BEGAIN: variants seen among roughly 807,000 people sequenced by gnomAD.
The protein encoded by BEGAIN is brain enriched guanylate kinase associated.
A neutral mutation model predicts 35.8 loss-of-function variants in BEGAIN; 19 were observed. The observed-to-expected ratio is 0.53, with a 90% CI of 0.37 to 0.78. The LOEUF is 0.78. Among genes scored for constraint, BEGAIN ranks in the 30% least tolerant of loss-of-function variants. BEGAIN has a pLI of 0.00. For missense variants in BEGAIN, 795 were observed against 853.6 expected (o/e 0.93, Z 0.85); for synonymous variants, 462 against 388.6 (o/e 1.19, Z -2.22).
At position 100,546,650 on chromosome 14, in the gene BEGAIN, C is replaced by A; in HGVS notation, c.84G>T (p.Glu28Asp). Residue 28 changes from glutamate (E) to aspartate (D), a missense_variant, in exon 3 of 7, where the codon GAG becomes GAT. Coordinates refer to ENST00000554140, the MANE Select transcript of BEGAIN (RefSeq NM_001385089.1). Reference sequence around the variant, plus strand: ...GCCGCTTGCGCAGCTCGCCCTTCTGCTCCTGCAGCGCGCTGCAACGACATG... The same window carrying A: ...GCCGCTTGCGCAGCTCGCCCTTCTGATCCTGCAGCGCGCTGCAACGACATG... ...ADMEKLSALQ[E>D]QKGELRKRLS... 6.4e-7 allele frequency: 1 copy of A among 1,569,814 alleles called. No individual in the cohort carries two copies. Among genetic ancestry groups the A allele is most frequent in the South Asian group, 1.1e-5 (1 of 86,994 alleles).
intron 1 of BEGAIN, among the ~76,000 whole-genome samples, chr14:100,571,405 G>T (rs560070328): frequency 1.3e-5 from 2 of 152,224 alleles, no homozygotes; most frequent in East Asian, 3.9e-4. Context: ...TGGGAGGGCC[G>T]CCCGGGTCAG....
At chr14:100,576,576 C>T (rs889233619) in intron 1 of BEGAIN, among the ~76,000 whole-genome samples, 2 of 152,206 alleles carry the variant, frequency 1.3e-5, no homozygotes, top group Admixed American at 6.5e-5. Context: ...CCACGGCCTC[C>T]GTCTCCATCC....
chr14:100,556,067 G>A (rs2033691321), intron 2 of BEGAIN, among the ~76,000 whole-genome samples: 1 of 152,164 alleles, frequency 6.6e-6, no homozygotes, highest in East Asian at 1.9e-4. Context: ...CCCTCAGCCA[G>A]GAGGGGTGGC....
At chr14:100,583,136 C>T (rs1376509192) in intron 1 of BEGAIN, among the ~76,000 whole-genome samples, 2 of 151,880 alleles carry the variant, frequency 1.3e-5, no homozygotes, top group Non-Finnish European at 2.9e-5. Context: ...ACTCCCGTCT[C>T]CATCTGTCCG....
chr14:100,537,883 CG>C lies in BEGAIN; in HGVS notation c.*85del. 10 of 1,470,412 alleles carry C rather than the reference CG, an allele frequency of 6.8e-6. No homozygotes were observed. The highest frequency in any genetic ancestry group is 9.0e-6 in the Non-Finnish European group (10 of 1,109,396). The allele number at this position is 1,470,412 out of a possible 1,614,324, so 91.1% of individuals were successfully genotyped here. A position where few individuals can be genotyped will look rare whatever the true frequency, so the allele number is the denominator to read the frequency against. The stretch of plus-strand genomic sequence containing the variant: ...GTTGTTGGCCGGGGCAGGGGAACAG[CG>C]GGGGCTGGGGAGAGGTGAGGCCGGC... On this transcript the variant is annotated 3_prime_UTR_variant, in exon 7 of 7. Coordinates refer to ENST00000554140, the MANE Select transcript of BEGAIN (RefSeq NM_001385089.1).
In BEGAIN at chr14:100,567,150, C is replaced by T. The variant is rs530738906; in HGVS notation, c.71+761G>A. Among the ~76,000 whole-genome samples the T allele has an allele frequency of 6.6e-6, 1 of 152,336 alleles. No individual in the cohort carries two copies. The highest frequency in any genetic ancestry group is 2.1e-4 in the South Asian group (1 of 4,832). The stretch of plus-strand genomic sequence containing the variant: ...GCTGGGCCTGCCGCCCACACAACGC[C>T]TCGGCTCAGGCTCCGGAAGGAAAAC... On this transcript the variant is annotated intron_variant, in intron 2 of 6. Transcript: ENST00000554140. This position sits in a 1 kb window ranked among gnomAD's most constrained non-coding sequence, Gnocchi z 5.1.
intron 2 of BEGAIN, among the ~76,000 whole-genome samples, chr14:100,551,337 G>C (rs1022433999): frequency 6.6e-6 from 1 of 152,130 alleles, no homozygotes; most frequent in Admixed American, 6.5e-5. Context: ...TGGAGGGCTC[G>C]CAGAGACGCC....
intron 2 of BEGAIN, among the ~76,000 whole-genome samples, chr14:100,553,979 G>C (rs369500825): frequency 3.3e-5 from 5 of 152,146 alleles, no homozygotes; most frequent in African/African-American, 9.7e-5. Flanking sequence ...TTAGGGTCAG[G>C]GCTGGAGCCC....
rs115930682 is a variant in BEGAIN at position 100,559,810 on chromosome 14, C to T, written c.71+8101G>A. On this transcript the variant is annotated intron_variant, in intron 2 of 6. Transcript: ENST00000554140. ...CTCCACGTTCACCTCTGCATAGATGCGCACACAGACACTCACACTCAAGAG... is the reference window on the plus strand; with the variant it reads ...CTCCACGTTCACCTCTGCATAGATGTGCACACAGACACTCACACTCAAGAG... 3.3e-3 allele frequency among the ~76,000 whole-genome samples: 498 copies of T among 152,304 alleles called. 1 individual carries two copies. The highest frequency in any genetic ancestry group is 0.012 in the African/African-American group (482 of 41,560).
At position 100,568,007 on chromosome 14, in the gene BEGAIN, CCGGGCACAG is replaced by C; in HGVS notation, c.43-77_43-69del. On this transcript the variant is annotated intron_variant, in intron 1 of 6. Transcript: ENST00000554140. The surrounding 1 kb of genome is among the most constrained non-coding windows in gnomAD (Gnocchi z 7.5). ...CGCTCCGCGGCCGCGCCGGGCAGAG[CCGGGCACAG>C]CGGGCACGGCCGGGCAACCCCGCGG... is the stretch of plus-strand genomic sequence containing the variant. The C allele has an allele frequency of 7.5e-7, 1 of 1,337,298 alleles. No homozygotes were observed. The highest frequency in any genetic ancestry group is 9.7e-7 in the Non-Finnish European group (1 of 1,026,264). 82.8% of individuals were successfully genotyped at this position (1,337,298 alleles called of 1,614,324 possible).
chr14:100,584,962 C>T (rs968343155), intron 1 of BEGAIN, among the ~76,000 whole-genome samples: 1 of 152,150 alleles, frequency 6.6e-6, no homozygotes, highest in African/African-American at 2.4e-5. Flanking sequence ...CACCTCCCCA[C>T]CGCCATGGCT....
intron 2 of BEGAIN, among the ~76,000 whole-genome samples, chr14:100,557,415 C>CT: frequency 6.6e-6 from 1 of 152,328 alleles, no homozygotes; most frequent in African/African-American, 2.4e-5. Flanking sequence ...GTCCAGATCC[C>CT]AGACCCTCTG....
rs2035457082 is a variant in BEGAIN at position 100,586,922 on chromosome 14, C to T, written c.42+327G>A. Among the ~76,000 whole-genome samples the T allele has an allele frequency of 6.6e-6, 1 of 152,062 alleles. No homozygotes were observed. Among genetic ancestry groups the T allele is most frequent in the Admixed American group, 6.5e-5 (1 of 15,282 alleles). ...GCGGGTCCCCAGTCCTCCGGCCGCG[C>T]CCTTGGTCACCCGTCCCTCCTTTCC... On this transcript the variant is annotated intron_variant, in intron 1 of 6. Transcript: ENST00000554140. This position sits in a 1 kb window ranked among gnomAD's most constrained non-coding sequence, Gnocchi z 4.9.
intron 2 of BEGAIN, among the ~76,000 whole-genome samples, chr14:100,550,847 C>T (rs948080628): frequency 2.0e-5 from 3 of 152,156 alleles, no homozygotes; most frequent in Non-Finnish European, 2.9e-5. Flanking sequence ...CATCACTGGG[C>T]GGGGGGCGCA....
chr14:100,554,528 C>A (rs951428307), intron 2 of BEGAIN, among the ~76,000 whole-genome samples: 3 of 152,094 alleles, frequency 2.0e-5, no homozygotes, highest in Admixed American at 6.5e-5. Context: ...GCCAGGATCT[C>A]ACTCCTCCCT....
rs1003025711 is a variant in BEGAIN at position 100,573,025 on chromosome 14, C to T, written c.43-5086G>A. On this transcript the variant is annotated intron_variant, in intron 1 of 6. Coordinates refer to ENST00000554140, the MANE Select transcript of BEGAIN (RefSeq NM_001385089.1). The surrounding 1 kb of genome is among the most constrained non-coding windows in gnomAD (Gnocchi z 4.2). ...GAATCAGTACACCACCCCTCCCACCCTGTATGTCCGACGGGGATATGTGTA... is the reference window on the plus strand; with the variant it reads ...GAATCAGTACACCACCCCTCCCACCTTGTATGTCCGACGGGGATATGTGTA... Among the ~76,000 whole-genome samples, 7 of 151,892 alleles carry T rather than the reference C, an allele frequency of 4.6e-5. No individual in the cohort carries two copies. The highest frequency in any genetic ancestry group is 1.9e-4 in the East Asian group (1 of 5,168).
chr14:100,581,695 A>T (rs1317200705), intron 1 of BEGAIN, among the ~76,000 whole-genome samples: 1 of 152,204 alleles, frequency 6.6e-6, no homozygotes, highest in African/African-American at 2.4e-5. Flanking sequence ...CAGGCCCAGG[A>T]CAGAACCCCA....
In BEGAIN at chr14:100,563,044, AG is replaced by A. The variant is rs1348312681; in HGVS notation, c.71+4866del. 1.3e-5 allele frequency among the ~76,000 whole-genome samples: 2 copies of A among 152,086 alleles called. No homozygotes were observed. Among genetic ancestry groups the A allele is most frequent in the Non-Finnish European group, 1.5e-5 (1 of 68,024 alleles). Reference sequence around the variant, plus strand: ...GGGTGCCCTTTGAGGGGGGGCGTGGAGGGGCAGGGCAGGACAGGGTCAGGAC... The same window carrying A: ...GGGTGCCCTTTGAGGGGGGGCGTGGAGGGCAGGGCAGGACAGGGTCAGGAC... On this transcript the variant is annotated intron_variant, in intron 2 of 6. Coordinates refer to ENST00000554140, the MANE Select transcript of BEGAIN (RefSeq NM_001385089.1). This position sits in a 1 kb window ranked among gnomAD's most constrained non-coding sequence, Gnocchi z 4.2.
intron 2 of BEGAIN, among the ~76,000 whole-genome samples, chr14:100,556,363 C>A (rs2033723582): frequency 6.6e-6 from 1 of 152,190 alleles, no homozygotes. Flanking sequence ...TTCTGCAGAA[C>A]CACGTGCTGG....
Sources: gnomAD v4.1 joint callset for allele counts (sites outside exome capture counted in the v4.1 genomes callset) on GRCh38, gnomAD v4.1.1 for gene constraint, Gnocchi (gnomAD v3.1) non-coding constraint, MANE v1.5 for transcripts, NCBI Gene and HGNC (gene_info 2026-07-23, HGNC 2026-07-21) for gene names.